Variants in RAB30 observed in about 807,000 individuals in gnomAD.
The protein encoded by RAB30 is ras-related protein Rab-30.
A neutral mutation model predicts 25.1 loss-of-function variants in RAB30; 9 were observed. The observed-to-expected ratio is 0.36, with a 90% CI of 0.22 to 0.63. The LOEUF (loss-of-function observed/expected upper bound fraction) is 0.63, where lower values mean the gene tolerates loss of function less well. RAB30 is among the 20% of genes least tolerant of loss of function. The probability of loss-of-function intolerance (pLI) is 0.69; values close to 1 mark genes in which losing one functional copy is unlikely to be tolerated. For missense variants in RAB30, 140 were observed against 243.5 expected, an observed-to-expected ratio of 0.58 and a Z score of 2.83; for synonymous variants, 77 against 86.4, an observed-to-expected ratio of 0.89 and a Z score of 0.60.
chr11:83,002,752 T>G (rs1857112098), intron 1 of RAB30, among the ~76,000 whole-genome samples: 2 of 152,162 alleles, frequency 1.3e-5, no homozygotes, highest in African/African-American at 4.8e-5. Flanking sequence ...ATGATCACAC[T>G]GCTGCATTCC....
intron 3 of RAB30, among the ~76,000 whole-genome samples, chr11:82,988,579 G>A (rs1411138971): frequency 6.6e-6 from 1 of 152,126 alleles, no homozygotes; most frequent in Non-Finnish European, 1.5e-5. Context: ...ACCTGCTGAA[G>A]GTTCACTTTT....
chr11:83,050,682 T>C (rs1313855499), intron 1 of RAB30, among the ~76,000 whole-genome samples: 1 of 152,244 alleles, frequency 6.6e-6, no homozygotes, highest in Non-Finnish European at 1.5e-5. Flanking sequence ...ATACTTTTTC[T>C]TACATTTTTG....
At chr11:83,065,380 G>A (rs897099513) in intron 1 of RAB30, among the ~76,000 whole-genome samples, 2 of 152,024 alleles carry the variant, frequency 1.3e-5, no homozygotes, top group African/African-American at 2.4e-5. Context: ...ACAGAGTGAG[G>A]CTCTGGAAAG....
At chr11:83,035,941 A>T (rs1857977502) in intron 1 of RAB30, among the ~76,000 whole-genome samples, 1 of 152,196 alleles carries the variant, frequency 6.6e-6, no homozygotes, top group Non-Finnish European at 1.5e-5. Flanking sequence ...GAACTCTTCT[A>T]TGCATGTTCA....
intron 3 of RAB30, among the ~76,000 whole-genome samples, chr11:82,989,747 A>T (rs1208191658): frequency 6.6e-6 from 1 of 152,228 alleles, no homozygotes; most frequent in Non-Finnish European, 1.5e-5. Context: ...AAGATATGTT[A>T]CCTTCTCATA....
rs559249061 is a variant in RAB30, at chr11:83,050,720, T to C, written c.-9+20971A>G. 2.0e-4 allele frequency among the ~76,000 whole-genome samples: 30 copies of C among 152,294 alleles called. No homozygotes were observed. In the East Asian group the frequency reaches 4.4e-3, roughly 23 times the overall value. On this transcript the variant is annotated intron_variant, in intron 1 of 4. Transcript: ENST00000527633. ...TGGTTGGAAACTAGGATGCATTTTA[T>C]AATGGCATCTTAGCATTTTGTGATA...
At chr11:83,051,080 C>T (rs751798915) in intron 1 of RAB30, among the ~76,000 whole-genome samples, 2 of 152,120 alleles carry the variant, frequency 1.3e-5, no homozygotes, top group Non-Finnish European at 2.9e-5. Flanking sequence ...AAATTATAAT[C>T]AATAGATTGA....
chr11:82,975,734 G>C lies in RAB30; in HGVS notation c.*6431C>G, dbSNP rs1230281688. On this transcript the variant is annotated 3_prime_UTR_variant, in exon 5 of 5. Transcript: ENST00000527633. ...TAACTGAAGAGTTAATCAACAGTAA[G>C]ACCGTGATCTACATCTGATACCAAT... The C allele has an allele frequency of 6.6e-6, 1 of 150,650 alleles. No individual in the cohort carries two copies. The highest frequency in any genetic ancestry group is 2.0e-4 in the East Asian group (1 of 5,108). 9.3% of individuals were successfully genotyped at this position (150,650 alleles called of 1,614,324 possible). A position where few individuals can be genotyped will look rare whatever the true frequency, so the allele number is the denominator to read the frequency against.
chr11:83,065,497 G>A (rs534478000), intron 1 of RAB30, among the ~76,000 whole-genome samples: 1 of 152,310 alleles, frequency 6.6e-6, no homozygotes, highest in African/African-American at 2.4e-5. Context: ...CTGGGCTCAA[G>A]TAATCTTCCT....
intron 1 of RAB30, among the ~76,000 whole-genome samples, chr11:83,015,433 G>T (rs751463845): frequency 1.3e-5 from 2 of 151,884 alleles, no homozygotes; most frequent in African/African-American, 2.4e-5. Flanking sequence ...CACATGGGGG[G>T]ATAATGGCAC....
At chr11:83,000,107 T>C (rs56714065) in intron 1 of RAB30, among the ~76,000 whole-genome samples, 5,085 of 152,152 alleles carry the variant, frequency 0.033, 150 homozygotes, top group East Asian at 0.074. Context: ...CCTAATTTGG[T>C]AGAGGGGGCT....
intron 1 of RAB30, among the ~76,000 whole-genome samples, chr11:83,004,710 ATG>A (rs1857150991): frequency 6.6e-6 from 1 of 151,906 alleles, no homozygotes. Flanking sequence ...ATATCCCCAC[ATG>A]TGTGTCAGGC....
At chr11:82,987,322 C>T (rs1299144383) in intron 4 of RAB30, 4 of 274,018 alleles carry the variant, frequency 1.5e-5, no homozygotes, top group East Asian at 1.3e-4. Flanking sequence ...AAATTTTTAG[C>T]AGCTCACATA....
Position 82,977,234 on chromosome 11 carries a change from A to G in RAB30, c.*4931T>C, listed in dbSNP as rs1856560500. The G allele has an allele frequency of 6.6e-6, 1 of 152,240 alleles. No homozygotes were observed. Among genetic ancestry groups the G allele is most frequent in the African/African-American group, 2.4e-5 (1 of 41,464 alleles). The allele number at this position is 152,240 out of a possible 1,614,324, so 9.4% of individuals were successfully genotyped here. ...ACAGGACATCAATGAATGGACCGAC[A>G]AAGCAAGTCCAGCATAGGGCATAAT... On this transcript the variant is annotated 3_prime_UTR_variant, in exon 5 of 5. Coordinates refer to ENST00000527633, the MANE Select transcript of RAB30 (RefSeq NM_001286060.2).
intron 1 of RAB30, among the ~76,000 whole-genome samples, chr11:82,999,969 A>G (rs1803997403): frequency 6.6e-6 from 1 of 152,158 alleles, no homozygotes; most frequent in Non-Finnish European, 1.5e-5. Context: ...TGTGAGCAGC[A>G]TGAGAGCAGT....
At chr11:83,017,807 T>G (rs150722058) in intron 1 of RAB30, among the ~76,000 whole-genome samples, 27 of 152,328 alleles carry the variant, frequency 1.8e-4, no homozygotes, top group South Asian at 4.1e-4. Flanking sequence ...GGTTCCATGT[T>G]TTTACAAGTG....
intron 4 of RAB30, among the ~76,000 whole-genome samples, chr11:82,984,126 T>C (rs969506080): frequency 3.3e-5 from 5 of 152,218 alleles, no homozygotes; most frequent in African/African-American, 9.7e-5. Context: ...GACAAAGGTG[T>C]GTCAATTGTA....
At position 82,975,534 on chromosome 11, in the gene RAB30, G is replaced by C. The variant is rs1856531065; in HGVS notation, c.*6631C>G. ...AGGGGAAGAAACGCTTTTGGATGTT[G>C]GTAATTATGTACATCAAATAATGTC... On this transcript the variant is annotated 3_prime_UTR_variant, in exon 5 of 5. Coordinates refer to ENST00000527633, the MANE Select transcript of RAB30 (RefSeq NM_001286060.2). 1 of 152,072 alleles carries C rather than the reference G, an allele frequency of 6.6e-6. No individual in the cohort carries two copies. Among genetic ancestry groups the C allele is most frequent in the African/African-American group, 2.4e-5 (1 of 41,410 alleles). The allele number at this position is 152,072 out of a possible 1,614,324, so 9.4% of individuals were successfully genotyped here.
intron 1 of RAB30, among the ~76,000 whole-genome samples, chr11:83,028,119 A>T (rs888321204): frequency 1.3e-5 from 2 of 152,216 alleles, no homozygotes; most frequent in African/African-American, 4.8e-5. Flanking sequence ...TACCATTAAT[A>T]TTCTCACAAA....
Sources: allele counts gnomAD v4.1 joint callset (sites outside exome capture counted in the v4.1 genomes callset), GRCh38; gene constraint gnomAD v4.1.1; transcripts MANE v1.5; gene names NCBI Gene and HGNC (gene_info 2026-07-23, HGNC 2026-07-21).